PDGFC: variants seen among roughly 807,000 people sequenced by gnomAD.
The protein encoded by PDGFC is platelet-derived growth factor C.
Under a neutral mutation model 35.5 loss-of-function variants are expected in PDGFC, and 12 were observed. The ratio of observed to expected loss-of-function variants is 0.34; its 90% confidence interval spans 0.22 to 0.55. The LOEUF (loss-of-function observed/expected upper bound fraction) is 0.55, where lower values mean the gene tolerates loss of function less well. Among genes scored for constraint, PDGFC ranks in the 20% least tolerant of loss-of-function variants. PDGFC has a pLI of 0.91. For synonymous variants in PDGFC, 159 were observed against 148.8 expected (o/e 1.07, Z -0.50); for missense variants, 322 against 412.4 (o/e 0.78, Z 1.90).
At chr4:156,925,686 C>T (rs1731392686) in intron 1 of PDGFC, among the ~76,000 whole-genome samples, 1 of 149,588 alleles carries the variant, frequency 6.7e-6, no homozygotes, top group Admixed American at 6.6e-5. Flanking sequence ...CATCTACATA[C>T]ATACAGTATT....
chr4:156,946,715 C>T (rs1007467855), intron 1 of PDGFC, among the ~76,000 whole-genome samples: 1 of 151,944 alleles, frequency 6.6e-6, no homozygotes, highest in Admixed American at 6.6e-5. Flanking sequence ...GTCTTGCTGC[C>T]AACAACATAC....
intron 1 of PDGFC, among the ~76,000 whole-genome samples, chr4:156,895,940 A>C (rs1460450205): frequency 2.6e-5 from 4 of 152,206 alleles, no homozygotes; most frequent in African/African-American, 7.2e-5. Context: ...AAAATACTTA[A>C]GCCACTTTCA....
intron 1 of PDGFC, among the ~76,000 whole-genome samples, chr4:156,942,607 A>T (rs988295030): frequency 4.6e-5 from 7 of 151,114 alleles, no homozygotes; most frequent in Non-Finnish European, 1.0e-4. Flanking sequence ...AAACAGTAAG[A>T]GCACAAATCA....
At chr4:156,861,101 G>A (rs1279451848) in intron 1 of PDGFC, among the ~76,000 whole-genome samples, 1 of 152,044 alleles carries the variant, frequency 6.6e-6, no homozygotes, top group African/African-American at 2.4e-5. Context: ...TCTCTAACAT[G>A]TCAGAGAATA....
intron 2 of PDGFC, among the ~76,000 whole-genome samples, chr4:156,836,543 G>C (rs1418467939): frequency 1.3e-5 from 2 of 152,020 alleles, no homozygotes; most frequent in African/African-American, 4.8e-5. Context: ...TGCCTTCAAA[G>C]AATCATCCTC....
Position 156,931,807 on chromosome 4 carries a change from TAGG to T in PDGFC, c.118+38976_118+38978del, listed in dbSNP as rs1731555466. ...GCATGGATTTTAAACACTACATTTA[TAGG>T]AGTTTTTTTTTTGTTAAACTACATG... is the stretch of plus-strand genomic sequence containing the variant. On this transcript the variant is annotated intron_variant, in intron 1 of 5. Coordinates refer to ENST00000502773, the MANE Select transcript of PDGFC (RefSeq NM_016205.3). Among the ~76,000 whole-genome samples the T allele has an allele frequency of 2.0e-5, 3 of 152,136 alleles. No homozygotes were observed. The South Asian group carries it at 6.2e-4, about 31-fold the overall frequency.
intron 1 of PDGFC, among the ~76,000 whole-genome samples, chr4:156,868,283 A>T (rs866441619): frequency 6.6e-6 from 1 of 152,224 alleles, no homozygotes; most frequent in Non-Finnish European, 1.5e-5. Flanking sequence ...GAAACTTCAA[A>T]TGAAATATTT....
chr4:156,868,829 G>A (rs986969760), intron 1 of PDGFC, among the ~76,000 whole-genome samples: 9 of 151,984 alleles, frequency 5.9e-5, no homozygotes, highest in East Asian at 3.9e-4. Context: ...TCTATCCTCC[G>A]TCTTCTTTCT....
intron 3 of PDGFC, among the ~76,000 whole-genome samples, chr4:156,805,506 T>C (rs1345418191): frequency 6.6e-6 from 1 of 152,080 alleles, no homozygotes; most frequent in Non-Finnish European, 1.5e-5. Flanking sequence ...TTTTAAAAAA[T>C]CTTGAGTACA....
At chr4:156,801,793 A>G (rs1731619161) in intron 3 of PDGFC, among the ~76,000 whole-genome samples, 1 of 152,180 alleles carries the variant, frequency 6.6e-6, no homozygotes, top group African/African-American at 2.4e-5. Flanking sequence ...ATGCATAATC[A>G]CTTGTGAAAG....
intron 4 of PDGFC, 47 bp downstream of exon 4, chr4:156,772,639 G>T: frequency 8.3e-7 from 1 of 1,203,980 alleles, no homozygotes; most frequent in Non-Finnish European, 1.2e-6. Flanking sequence ...TGAAACATTA[G>T]CTGTTAAGAA....
chr4:156,831,263 ATT>A (rs1218952951), intron 2 of PDGFC, among the ~76,000 whole-genome samples: 1 of 151,954 alleles, frequency 6.6e-6, no homozygotes, highest in African/African-American at 2.4e-5. Context: ...ACTCTTGAAC[ATT>A]TTTTTCTCTA....
intron 1 of PDGFC, among the ~76,000 whole-genome samples, chr4:156,871,774 TA>T (rs1237460266): frequency 3.3e-5 from 5 of 152,066 alleles, no homozygotes; most frequent in African/African-American, 1.2e-4. Flanking sequence ...ATGGATGACT[TA>T]TAAGTGTTAC....
intron 1 of PDGFC, among the ~76,000 whole-genome samples, chr4:156,853,155 GA>G (rs1323639070): frequency 6.6e-6 from 1 of 152,160 alleles, no homozygotes; most frequent in African/African-American, 2.4e-5. Flanking sequence ...AAAGCTGTTT[GA>G]ATTATGGGTA....
At chr4:156,768,934 A>G (rs1371481893) in intron 4 of PDGFC, among the ~76,000 whole-genome samples, 1 of 152,026 alleles carries the variant, frequency 6.6e-6, no homozygotes, top group African/African-American at 2.4e-5. Flanking sequence ...ATTTATACAT[A>G]TCACATGAAT....
chr4:156,777,621 C>A (rs115879675), intron 3 of PDGFC, among the ~76,000 whole-genome samples: 144 of 152,238 alleles, frequency 9.5e-4, no homozygotes, highest in African/African-American at 3.2e-3. Context: ...TTTCTAGCAA[C>A]CAAAATTTTG....
At position 156,763,034 on chromosome 4, in the gene PDGFC, T is replaced by G; in HGVS notation, c.*56A>C. ...TGGAGATAACGCATACGTTCTCTAA[T>G]AGAATCAGCCACTGCACTGCACAGC... On this transcript the variant is annotated 3_prime_UTR_variant, in exon 6 of 6. Coordinates refer to ENST00000502773, the MANE Select transcript of PDGFC (RefSeq NM_016205.3). 1.2e-6 allele frequency: 1 copy of G among 869,238 alleles called. No individual in the cohort carries two copies. The highest frequency in any genetic ancestry group is 2.0e-6 in the Non-Finnish European group (1 of 502,962). The allele number at this position is 869,238 out of a possible 1,614,324, so 53.8% of individuals were successfully genotyped here. A position where few individuals can be genotyped will look rare whatever the true frequency, so the allele number is the denominator to read the frequency against.
intron 2 of PDGFC, among the ~76,000 whole-genome samples, chr4:156,818,560 G>A (rs1485777819): frequency 4.1e-5 from 5 of 120,984 alleles, no homozygotes; most frequent in South Asian, 2.7e-4. Flanking sequence ...TCGCTCTGTC[G>A]CCCAGGCTGG....
Position 156,763,048 on chromosome 4 carries a change from G to T in PDGFC, c.*42C>A. On this transcript the variant is annotated 3_prime_UTR_variant, in exon 6 of 6. Transcript: ENST00000502773. ...ACGTTCTCTAATAGAATCAGCCACT[G>T]CACTGCACAGCTCTGGGCAAGAGCT... is the stretch of plus-strand genomic sequence containing the variant. 1 of 983,702 alleles carries T rather than the reference G, an allele frequency of 1.0e-6. No homozygotes were observed. The highest frequency in any genetic ancestry group is 1.7e-6 in the Non-Finnish European group (1 of 604,480). The allele number at this position is 983,702 out of a possible 1,614,324, so 60.9% of individuals were successfully genotyped here.
Sources: gnomAD v4.1 joint callset for allele counts (sites outside exome capture counted in the v4.1 genomes callset) on GRCh38, gnomAD v4.1.1 for gene constraint, MANE v1.5 for transcripts, NCBI Gene and HGNC (gene_info 2026-07-23, HGNC 2026-07-21) for gene names.